Variants in SLC22A9 observed in about 807,000 individuals in gnomAD.
The protein encoded by SLC22A9 is organic anion transporter 7.
In SLC22A9, 64 loss-of-function variants were observed where a neutral mutation model predicts 50.1. That is an observed-to-expected ratio of 1.28 (90% CI 1.04 to 1.57). The LOEUF is 1.57. SLC22A9 is among the 40% of genes most tolerant of loss of function. SLC22A9 has a pLI of 0.00. For synonymous variants in SLC22A9, 261 were observed against 242.5 expected (o/e 1.08, Z -0.71); for missense variants, 757 against 676.1 (o/e 1.12, Z -1.33).
At chr11:63,391,360 C>T (rs2014761053) in intron 6 of SLC22A9, among the ~76,000 whole-genome samples, 1 of 151,920 alleles carries the variant, frequency 6.6e-6, no homozygotes, top group Non-Finnish European at 1.5e-5. Flanking sequence ...AGATTAAGTC[C>T]AATGTTTCTT....
chr11:63,384,491 A>G (rs942932421), intron 6 of SLC22A9, among the ~76,000 whole-genome samples: 15 of 152,066 alleles, frequency 9.9e-5, no homozygotes, highest in African/African-American at 3.6e-4. Flanking sequence ...TTATGGCTGC[A>G]TAGTAGTTCG....
At chr11:63,370,634 T>G (rs1332569592) in intron 1 of SLC22A9, among the ~76,000 whole-genome samples, 176 bp downstream of exon 1, 1 of 152,196 alleles carries the variant, frequency 6.6e-6, no homozygotes, top group Non-Finnish European at 1.5e-5. Flanking sequence ...AGTAATGAAT[T>G]CCAAAGTAGA....
In SLC22A9 at chr11:63,403,762, T is replaced by C. The variant is rs924593754; in HGVS notation, c.1074-2735T>C. On this transcript the variant is annotated intron_variant, in intron 6 of 9. Transcript: ENST00000279178. ...AGTGTTTTATGGAGGATTAAACACG[T>C]AAAAAATGAAATAGCATCCTATACC... Among the ~76,000 whole-genome samples the C allele has an allele frequency of 4.6e-5, 7 of 151,984 alleles. No individual in the cohort carries two copies. The East Asian group carries it at 9.6e-4, about 21-fold the overall frequency.
intron 2 of SLC22A9, among the ~76,000 whole-genome samples, chr11:63,373,276 C>A (rs1034992825): frequency 6.6e-6 from 1 of 152,020 alleles, no homozygotes; most frequent in Non-Finnish European, 1.5e-5. Flanking sequence ...AGGCTATGCC[C>A]TGCTCAGGCT....
intron 6 of SLC22A9, among the ~76,000 whole-genome samples, chr11:63,403,911 A>C (rs2014994397): frequency 1.3e-5 from 2 of 152,210 alleles, no homozygotes; most frequent in South Asian, 4.2e-4. Context: ...GTTGGTGGCC[A>C]TATAAAATGC....
At chr11:63,395,589 A>C (rs1416049830) in intron 6 of SLC22A9, among the ~76,000 whole-genome samples, 1 of 152,192 alleles carries the variant, frequency 6.6e-6, no homozygotes, top group Non-Finnish European at 1.5e-5. Flanking sequence ...TCTCTCGGCC[A>C]TGGATACCAG....
intron 6 of SLC22A9, among the ~76,000 whole-genome samples, chr11:63,403,658 A>G (rs1430703310): frequency 6.6e-6 from 1 of 152,124 alleles, no homozygotes; most frequent in African/African-American, 2.4e-5. Context: ...CTTCTATTCA[A>G]TATAGTCCTT....
chr11:63,371,329 C>A, intron 2 of SLC22A9, 91 bp downstream of exon 2: 1 of 1,052,214 alleles, frequency 9.5e-7, no homozygotes, highest in Non-Finnish European at 1.4e-6. Flanking sequence ...CTGCAAATTA[C>A]ATTCTCCTGA....
intron 6 of SLC22A9, among the ~76,000 whole-genome samples, chr11:63,400,184 C>T (rs966283144): frequency 1.3e-5 from 2 of 151,402 alleles, no homozygotes; most frequent in African/African-American, 4.9e-5. Flanking sequence ...AAGATCAGAG[C>T]AAGAAATAAA....
rs138350283 is a variant in SLC22A9 at position 63,408,157 on chromosome 11, C to T, written c.1334C>T (p.Ala445Val). 119 of 1,613,742 alleles carry T rather than the reference C, an allele frequency of 7.4e-5. No individual in the cohort carries two copies. The highest frequency in any genetic ancestry group is 5.3e-4 in the South Asian group (48 of 91,068). Reference protein sequence around the residue: ...REVLATLGLGASALANTLAFA... With the variant: ...REVLATLGLGVSALANTLAFA... ...GTTTTGGCAACACTGGGCTTAGGAG[C>T]GTCTGCTCTTGCCAATACCCTTGCT... Residue 445 changes from alanine (A) to valine (V), a missense_variant, in exon 8 of 10, where the codon GCG (alanine) becomes GTG (valine). By Grantham distance (64) the Ala-to-Val change is moderately conservative. Coordinates refer to ENST00000279178, the MANE Select transcript of SLC22A9 (RefSeq NM_080866.3).
chr11:63,392,085 G>A (rs1210646030), intron 6 of SLC22A9, among the ~76,000 whole-genome samples: 1 of 151,920 alleles, frequency 6.6e-6, no homozygotes, highest in African/African-American at 2.4e-5. Context: ...AAACAAATAA[G>A]GAAAGAGAAA....
rs141154569 is a variant in SLC22A9 at position 63,409,968 on chromosome 11, C to T, written c.*106C>T. ...AGAAAATAAATAACAAGGCTGGGTG[C>T]GGTGGCTCACGCCTGTAATCCCAGC... On this transcript the variant is annotated 3_prime_UTR_variant, in exon 10 of 10. Coordinates refer to ENST00000279178, the MANE Select transcript of SLC22A9 (RefSeq NM_080866.3). The T allele has an allele frequency of 9.2e-4, 1,151 of 1,257,514 alleles. 3 individuals carry two copies. The highest frequency in any genetic ancestry group is 1.1e-3 in the Non-Finnish European group (980 of 886,822). 77.9% of individuals were successfully genotyped at this position (1,257,514 alleles called of 1,614,324 possible).
At chr11:63,385,106 GTTTTTTT>G (rs149124193) in intron 6 of SLC22A9, among the ~76,000 whole-genome samples, 1 of 76,556 alleles carries the variant, frequency 1.3e-5, no homozygotes, top group African/African-American at 5.2e-5. Context: ...TGATGATACA[GTTTTTTT>G]TTTTTTTTTT....
chr11:63,388,739 T>C (rs542060940), intron 6 of SLC22A9, among the ~76,000 whole-genome samples: 7 of 152,110 alleles, frequency 4.6e-5, no homozygotes, highest in Middle Eastern at 3.4e-3. Flanking sequence ...TTGAATAATA[T>C]GATAAAAATG....
At position 63,410,115 on chromosome 11, in the gene SLC22A9, G is replaced by A. The variant is rs772402881; in HGVS notation, c.*253G>A. ...AACTTCGCTGGGCACAGTGGCACAG[G>A]CCTTTAATTCCAGCTACTTGGGAGG... is the stretch of plus-strand genomic sequence containing the variant. On this transcript the variant is annotated 3_prime_UTR_variant, in exon 10 of 10. Coordinates refer to ENST00000279178, the MANE Select transcript of SLC22A9 (RefSeq NM_080866.3). 14 of 287,782 alleles carry A rather than the reference G, an allele frequency of 4.9e-5. No individual in the cohort carries two copies. The highest frequency in any genetic ancestry group is 8.6e-5 in the Non-Finnish European group (13 of 152,040). 17.8% of individuals were successfully genotyped at this position (287,782 alleles called of 1,614,324 possible).
At chr11:63,382,342 C>A in intron 6 of SLC22A9, 65 bp downstream of exon 6, 1 of 1,130,222 alleles carries the variant, frequency 8.8e-7, no homozygotes, top group Non-Finnish European at 1.3e-6. Flanking sequence ...GTCCTCATTT[C>A]AAGTAGTACA....
intron 6 of SLC22A9, among the ~76,000 whole-genome samples, chr11:63,384,793 C>T (rs1006363920): frequency 6.6e-5 from 10 of 152,092 alleles, no homozygotes; most frequent in Admixed American, 1.3e-4. Flanking sequence ...CTCAACCTTG[C>T]CAGCATGTTA....
intron 6 of SLC22A9, among the ~76,000 whole-genome samples, chr11:63,402,496 A>G (rs781172906): frequency 2.0e-5 from 3 of 152,034 alleles, no homozygotes; most frequent in Non-Finnish European, 2.9e-5. Flanking sequence ...TGCCAGTATC[A>G]TGCTGTTTTC....
chr11:63,379,803 C>T (rs986743241), intron 5 of SLC22A9, among the ~76,000 whole-genome samples: 3 of 152,172 alleles, frequency 2.0e-5, no homozygotes. Context: ...ATGATCTTGG[C>T]TCACTGCAGC....
Sources: allele counts gnomAD v4.1 joint callset (sites outside exome capture counted in the v4.1 genomes callset), GRCh38; gene constraint gnomAD v4.1.1; transcripts MANE v1.5; gene names NCBI Gene and HGNC (gene_info 2026-07-23, HGNC 2026-07-21).